Variants in WLS observed in about 807,000 individuals in gnomAD.
The protein encoded by WLS is Wnt ligand secretion mediator.
In WLS, 23 loss-of-function variants were observed where a neutral mutation model predicts 62.8. That is an observed-to-expected ratio of 0.37 (90% CI 0.26 to 0.52). The LOEUF (loss-of-function observed/expected upper bound fraction) is 0.52. Among genes scored for constraint, WLS ranks in the 20% least tolerant of loss-of-function variants. WLS has a pLI of 0.92. For synonymous variants in WLS, 246 were observed against 244.1 expected, an observed-to-expected ratio of 1.01 and a Z score of -0.07; for missense variants, 615 against 697.3, an observed-to-expected ratio of 0.88 and a Z score of 1.33.
At chr1:68,121,497 C>T (rs1049724366), downstream of WLS, among the ~76,000 whole-genome samples, 2 of 152,160 alleles carry the variant, frequency 1.3e-5, no homozygotes, top group Non-Finnish European at 2.9e-5. Flanking sequence ...GAAGGCCCCC[C>T]GATGTCAGCA....
At chr1:68,220,462 C>CA (rs748019671) in intron 1 of WLS, among the ~76,000 whole-genome samples, 73 of 152,326 alleles carry the variant, frequency 4.8e-4, no homozygotes, top group Admixed American at 9.1e-4. Flanking sequence ...CCCCGTGACT[C>CA]AGAGATTTTT....
intron 1 of WLS, among the ~76,000 whole-genome samples, chr1:68,219,793 A>G (rs1448516616): frequency 7.2e-5 from 11 of 152,210 alleles, no homozygotes; most frequent in African/African-American, 2.7e-4. Context: ...CTAATGTTTC[A>G]GAAGTAATTA....
intron 11 of WLS, among the ~76,000 whole-genome samples, chr1:68,127,969 A>G (rs1467458423): frequency 2.6e-5 from 4 of 152,200 alleles, no homozygotes. Context: ...GTGGCTGCAC[A>G]GCAAAATCAG....
At chr1:68,116,968 C>A (rs988345250) in intron 11 of WLS, among the ~76,000 whole-genome samples, 1 of 152,124 alleles carries the variant, frequency 6.6e-6, no homozygotes, top group Admixed American at 6.5e-5. Context: ...GTACGACTGG[C>A]CCCGACCCCT....
chr1:68,123,116 C>T (rs1315660341), downstream of WLS, among the ~76,000 whole-genome samples: 1 of 152,130 alleles, frequency 6.6e-6, no homozygotes, highest in Non-Finnish European at 1.5e-5. Context: ...CACAAGTCTC[C>T]ATTTTACTCT....
chr1:68,220,195 T>C (rs1021217797), intron 1 of WLS, among the ~76,000 whole-genome samples: 7 of 152,198 alleles, frequency 4.6e-5, no homozygotes, highest in Admixed American at 4.6e-4. Flanking sequence ...CTAGCATAGA[T>C]CTTGCCTAAT....
chr1:68,129,363 A>G (rs1340876051), intron 11 of WLS, among the ~76,000 whole-genome samples: 1 of 152,214 alleles, frequency 6.6e-6, no homozygotes, highest in African/African-American at 2.4e-5. Flanking sequence ...ATTTGAATAA[A>G]TTGTTTAGCA....
At chr1:68,105,999 T>C (rs1646138174) in intron 11 of WLS, among the ~76,000 whole-genome samples, 2 of 152,116 alleles carry the variant, frequency 1.3e-5, no homozygotes, top group African/African-American at 4.8e-5. Flanking sequence ...TTCAGAATGA[T>C]GACCTAAAAC....
At chr1:68,199,230 T>A (rs2566751) in intron 1 of WLS, among the ~76,000 whole-genome samples, 124,628 of 152,170 alleles carry the variant, frequency 0.82, 52,224 homozygotes, top group East Asian at 0.93. Flanking sequence ...GCATTACTAT[T>A]ATGCAGGTAC....
chr1:68,184,895 A>G (rs909718399), intron 2 of WLS, among the ~76,000 whole-genome samples: 43 of 152,268 alleles, frequency 2.8e-4, no homozygotes, highest in African/African-American at 9.4e-4. Context: ...TTTTAAAACT[A>G]CCACCATTTA....
chr1:68,194,274 C>T, intron 1 of WLS, 47 bp from the exon 2 acceptor site: 2 of 1,594,322 alleles, frequency 1.3e-6, no homozygotes, highest in Non-Finnish European at 1.7e-6. Flanking sequence ...TCTATTGAAA[C>T]TACTGTTTCT....
intron 1 of WLS, among the ~76,000 whole-genome samples, chr1:68,219,042 G>T (rs776930838): frequency 3.9e-5 from 6 of 152,114 alleles, no homozygotes; most frequent in Non-Finnish European, 8.8e-5. Flanking sequence ...AGCCCTCACG[G>T]AACAGAAGAA....
At chr1:68,161,801 G>C in intron 2 of WLS, 1 of 1,602,478 alleles carries the variant, frequency 6.2e-7, no homozygotes, top group Non-Finnish European at 8.5e-7. Context: ...TTTGTGGGCT[G>C]GTTGGGAGAG....
intron 2 of WLS, among the ~76,000 whole-genome samples, chr1:68,169,484 C>G (rs955036309): frequency 2.0e-5 from 3 of 152,202 alleles, no homozygotes; most frequent in Non-Finnish European, 4.4e-5. Context: ...TTCATCTGCT[C>G]CTGGGATGCA....
intron 1 of WLS, among the ~76,000 whole-genome samples, chr1:68,206,489 G>A (rs570080549): frequency 2.2e-4 from 33 of 152,316 alleles, no homozygotes; most frequent in South Asian, 1.0e-3. Context: ...AGAATGCAGA[G>A]GGCATTTGAG....
intron 1 of WLS, among the ~76,000 whole-genome samples, chr1:68,221,477 A>G (rs1649939076): frequency 6.6e-6 from 1 of 152,246 alleles, no homozygotes; most frequent in African/African-American, 2.4e-5. Flanking sequence ...TGGTTCACAC[A>G]AGCCAGAACT....
chr1:68,195,159 T>C (rs1648591325), intron 1 of WLS, among the ~76,000 whole-genome samples: 2 of 152,250 alleles, frequency 1.3e-5, no homozygotes, highest in South Asian at 4.1e-4. Flanking sequence ...AAAATAGTTA[T>C]ATCATGCATA....
rs750244529 is a variant in WLS at position 68,145,885 on chromosome 1, C to T, written c.1262G>A (p.Arg421Gln). 2 of 1,614,140 alleles carry T rather than the reference C, an allele frequency of 1.2e-6. No individual in the cohort carries two copies. Among genetic ancestry groups the T allele is most frequent in the Non-Finnish European group, 1.7e-6 (2 of 1,180,016 alleles). ...QSSLPAMSKVRRLHYEGLIFR... is the reference protein window; with the variant it reads ...QSSLPAMSKVQRLHYEGLIFR... ...TCTGCCCACCTCATAGTGTAGCCGC[C>T]GGACTTTGCTCATAGCTGGCAGGCT... The change falls in exon 9 of 12, where the codon CGG becomes CAG. Residue 421 changes from arginine to glutamine, a missense_variant. Arg to Gln is a conservative substitution (Grantham distance 43). Transcript: ENST00000262348.
At chr1:68,158,709 C>T (rs1042450140) in intron 3 of WLS, among the ~76,000 whole-genome samples, 4 of 152,202 alleles carry the variant, frequency 2.6e-5, no homozygotes, top group Non-Finnish European at 4.4e-5. Flanking sequence ...GTTGGACAAG[C>T]TTGATCTAGC....
Sources: gnomAD v4.1 joint callset for allele counts (sites outside exome capture counted in the v4.1 genomes callset) on GRCh38, gnomAD v4.1.1 for gene constraint, MANE v1.5 for transcripts, NCBI Gene and HGNC (gene_info 2026-07-23, HGNC 2026-07-21) for gene names.